MALRD1: variants seen among roughly 807,000 people sequenced by gnomAD.
MALRD1 encodes the protein MAM and LDL receptor class A domain containing 1, also known as MAM and LDL-receptor class A domain-containing protein 1.
A neutral mutation model predicts 242.1 loss-of-function variants in MALRD1; 247 were observed. The ratio of observed to expected loss-of-function variants is 1.02; its 90% confidence interval spans 0.92 to 1.13. MALRD1 has a LOEUF of 1.13. Among genes scored for constraint, MALRD1 ranks in the 50% most tolerant of loss-of-function variants. The probability of loss-of-function intolerance (pLI) is 0.00; values close to 1 mark genes in which losing one functional copy is unlikely to be tolerated. For synonymous variants in MALRD1, 995 were observed against 866.6 expected (o/e 1.15, Z -2.60); for missense variants, 2,989 against 2,533.1 (o/e 1.18, Z -3.86).
intron 31 of MALRD1, among the ~76,000 whole-genome samples, chr10:19,506,154 A>G (rs1023865723): frequency 6.6e-6 from 1 of 152,172 alleles, no homozygotes; most frequent in Non-Finnish European, 1.5e-5. Context: ...CCTCCCAATC[A>G]CAGAAGTCTG....
At chr10:19,122,863 T>G (rs1388012078) in intron 5 of MALRD1, among the ~76,000 whole-genome samples, 3 of 152,104 alleles carry the variant, frequency 2.0e-5, no homozygotes, top group African/African-American at 7.2e-5. Flanking sequence ...GTAGCTGGGA[T>G]TATGGATGCC....
chr10:19,601,816 T>C (rs76915556), intron 34 of MALRD1, among the ~76,000 whole-genome samples: 463 of 152,186 alleles, frequency 3.0e-3, no homozygotes, highest in Non-Finnish European at 5.5e-3. Context: ...AATATATGTT[T>C]TCAAGAAGAT....
rs78175079 is a variant in MALRD1, at chr10:19,658,171, A to C, written c.6138-34111A>C. Among the ~76,000 whole-genome samples, 699 of 152,076 alleles carry C rather than the reference A, an allele frequency of 4.6e-3. 4 individuals carry two copies. The highest frequency in any genetic ancestry group is 0.013 in the African/African-American group (541 of 41,442). On this transcript the variant is annotated intron_variant, in intron 36 of 39. Coordinates refer to ENST00000454679, the MANE Select transcript of MALRD1 (RefSeq NM_001142308.3). ...CTCAAAACAAAGCAAACAAAAAAAAACCCACTAATTTCAAAATGTACAAGT... is the reference window on the plus strand; with the variant it reads ...CTCAAAACAAAGCAAACAAAAAAAACCCCACTAATTTCAAAATGTACAAGT...
chr10:19,194,117 A>C (rs945537849), intron 14 of MALRD1, among the ~76,000 whole-genome samples: 1 of 152,086 alleles, frequency 6.6e-6, no homozygotes, highest in Non-Finnish European at 1.5e-5. Flanking sequence ...CATAAATATA[A>C]GCATAGTAGT....
chr10:19,412,836 C>T (rs1044379475), intron 28 of MALRD1, among the ~76,000 whole-genome samples: 4 of 152,146 alleles, frequency 2.6e-5, no homozygotes, highest in Non-Finnish European at 4.4e-5. Flanking sequence ...GGGATTAATT[C>T]TATGATTTAC....
intron 38 of MALRD1, among the ~76,000 whole-genome samples, chr10:19,716,203 A>C (rs954816934): frequency 1.3e-5 from 2 of 152,232 alleles, no homozygotes; most frequent in Non-Finnish European, 2.9e-5. Context: ...ATTTTTTAAA[A>C]GGAGGTGGTA....
At chr10:19,586,055 G>T (rs988836649) in intron 33 of MALRD1, among the ~76,000 whole-genome samples, 1 of 152,012 alleles carries the variant, frequency 6.6e-6, no homozygotes, top group South Asian at 2.1e-4. Context: ...CGTAGTTTTC[G>T]AGCCTTGGTT....
At chr10:19,230,954 T>C (rs2131695450) in intron 18 of MALRD1, among the ~76,000 whole-genome samples, 1 of 152,318 alleles carries the variant, frequency 6.6e-6, no homozygotes, top group Non-Finnish European at 1.5e-5. Context: ...ACATAGAATT[T>C]CCCATGAATA....
intron 28 of MALRD1, among the ~76,000 whole-genome samples, chr10:19,424,710 T>C (rs564337378): frequency 1.2e-3 from 184 of 152,316 alleles, no homozygotes; most frequent in African/African-American, 4.3e-3. Context: ...CCTCCAATTG[T>C]GTTTGGTGGT....
intron 34 of MALRD1, among the ~76,000 whole-genome samples, chr10:19,601,111 G>A (rs1306412386): frequency 6.6e-6 from 1 of 151,976 alleles, no homozygotes; most frequent in East Asian, 1.9e-4. Flanking sequence ...CAAGCTTCTG[G>A]GCTCAAATGA....
chr10:19,655,081 A>G (rs1478714192), intron 36 of MALRD1, among the ~76,000 whole-genome samples: 1 of 152,222 alleles, frequency 6.6e-6, no homozygotes, highest in Admixed American at 6.5e-5. Context: ...AATAAGAATC[A>G]TGAAGAATAG....
At chr10:19,653,248 G>A (rs1479273477) in intron 36 of MALRD1, among the ~76,000 whole-genome samples, 1 of 151,928 alleles carries the variant, frequency 6.6e-6, no homozygotes, top group East Asian at 1.9e-4. Flanking sequence ...CCAGGCTGGA[G>A]TGCAGTGGCA....
intron 10 of MALRD1, among the ~76,000 whole-genome samples, chr10:19,141,628 A>C (rs1038064652): frequency 2.0e-5 from 3 of 151,614 alleles, no homozygotes; most frequent in Non-Finnish European, 2.9e-5. Flanking sequence ...TATATATAGA[A>C]TCTACTTCAC....
At position 19,462,770 on chromosome 10, in the gene MALRD1, C is replaced by A. The variant is rs552717745; in HGVS notation, c.5029+12280C>A. On this transcript the variant is annotated intron_variant, in intron 29 of 39. Coordinates refer to ENST00000454679, the MANE Select transcript of MALRD1 (RefSeq NM_001142308.3). ...AATAGTGAGGATAAAAAGTAATGAA[C>A]TGCACTAGAGCAGTACAGTGAGAGT... Among the ~76,000 whole-genome samples, 4 of 152,232 alleles carry A rather than the reference C, an allele frequency of 2.6e-5. No individual in the cohort carries two copies. The East Asian group carries it at 7.7e-4, about 29-fold the overall frequency.
At chr10:19,282,924 A>G in intron 20 of MALRD1, 95 bp from the exon 21 acceptor site, 1 of 842,652 alleles carries the variant, frequency 1.2e-6, no homozygotes, top group East Asian at 3.2e-5. Flanking sequence ...GTTACATTAG[A>G]ATTAAAAACA....
intron 32 of MALRD1, among the ~76,000 whole-genome samples, chr10:19,556,363 T>C (rs1835716678): frequency 6.6e-6 from 1 of 152,170 alleles, no homozygotes; most frequent in Admixed American, 6.6e-5. Flanking sequence ...GACAAATGTA[T>C]GACCTATATC....
At chr10:19,162,335 G>A (rs771960109) in intron 12 of MALRD1, among the ~76,000 whole-genome samples, 22 of 151,826 alleles carry the variant, frequency 1.4e-4, no homozygotes, top group Non-Finnish European at 2.4e-4. Flanking sequence ...ATTTCTGAAT[G>A]TTTATAAGCA....
chr10:19,451,141 T>C (rs920417928), intron 29 of MALRD1, among the ~76,000 whole-genome samples: 6 of 152,244 alleles, frequency 3.9e-5, no homozygotes, highest in Non-Finnish European at 7.3e-5. Context: ...TGAATTTGTT[T>C]TTCAACACAA....
chr10:19,684,368 T>C (rs910122901), intron 36 of MALRD1, among the ~76,000 whole-genome samples: 1 of 152,192 alleles, frequency 6.6e-6, no homozygotes, highest in African/African-American at 2.4e-5. Flanking sequence ...ATATTTCTTA[T>C]TGGGTGGGCT....
Sources: allele counts gnomAD v4.1 joint callset (sites outside exome capture counted in the v4.1 genomes callset), GRCh38; gene constraint gnomAD v4.1.1; transcripts MANE v1.5; gene names NCBI Gene and HGNC (gene_info 2026-07-23, HGNC 2026-07-21).